ELOA: variants seen among roughly 807,000 people sequenced by gnomAD.
ELOA encodes elongin A.
A neutral mutation model predicts 85.2 loss-of-function variants in ELOA; 15 were observed. The ratio of observed to expected loss-of-function variants is 0.18; its 90% confidence interval spans 0.12 to 0.27. The LOEUF is 0.27. Among genes scored for constraint, ELOA ranks in the 10% least tolerant of loss-of-function variants. ELOA has a pLI of 1.00. For synonymous variants in ELOA, 348 were observed against 357.2 expected, an observed-to-expected ratio of 0.97 and a Z score of 0.29; for missense variants, 769 against 952.7, an observed-to-expected ratio of 0.81 and a Z score of 2.54.
intron 10 of ELOA, 48 bp from the exon 11 acceptor site, chr1:23,759,464 C>G: frequency 1.2e-6 from 2 of 1,606,006 alleles, no homozygotes; most frequent in Non-Finnish European, 1.7e-6. Flanking sequence ...GGGGGTGTGT[C>G]TAAGCCGCCA....
Position 23,751,730 on chromosome 1 carries a change from A to G in ELOA, c.1125A>G (p.Lys375=). ...ACAACCTAAAGACTCCAGAAGGGAA[A>G]GTCAAAACTAATTTGGATAGAAAGT... ...GSNNLKTPEG[K]VKTNLDRKSL... is the part of the protein sequence containing the mutation. Residue 375 remains lysine (K), a synonymous_variant, in exon 4 of 11, where the codon AAA becomes AAG. Transcript: ENST00000613537. 1 of 1,614,220 alleles carries G rather than the reference A, an allele frequency of 6.2e-7. No homozygotes were observed. The highest frequency in any genetic ancestry group is 8.5e-7 in the Non-Finnish European group (1 of 1,180,038).
chr1:23,751,792 T>C lies in ELOA; in HGVS notation c.1187T>C (p.Met396Thr), dbSNP rs769516563. 27 of 1,614,056 alleles carry C rather than the reference T, an allele frequency of 1.7e-5. No individual in the cohort carries two copies. Among genetic ancestry groups the C allele is most frequent in the South Asian group, 1.6e-4 (15 of 91,088 alleles). The change falls in exon 4 of 11, where the codon ATG becomes ACG. Residue 396 changes from methionine to threonine, a missense_variant. Met to Thr is a moderately conservative substitution (Grantham distance 81). Transcript: ENST00000613537. The part of the protein sequence containing the change: ...GSLPKVEETD[M>T]EDEFEQPTMS... ...CTCCCTAAAGTTGAGGAGACAGATA[T>C]GGAGGATGAATTCGAGCAGCCAACC...
chr1:23,754,235 T>G lies in ELOA; in HGVS notation c.1673T>G (p.Val558Gly). 6.2e-7 allele frequency: 1 copy of G among 1,614,192 alleles called. No individual in the cohort carries two copies. Among genetic ancestry groups the G allele is most frequent in the Non-Finnish European group, 8.5e-7 (1 of 1,180,034 alleles). The part of the protein sequence containing the change: ...MMTLHQQCIR[V>G]LKNNIDSIFE... ...ACCTTGCACCAGCAATGCATCCGAG[T>G]ACTTAAAAACAACATCGATTGTAAG... Residue 558 changes from valine (V) to glycine (G), a missense_variant, in exon 6 of 11, where the codon GTA (valine) becomes GGA (glycine). Physicochemically the swap from Val to Gly is moderately radical, Grantham distance 109. This residue lies in a region of ELOA where 193 missense variants were observed against 278.9 expected (regional missense o/e 0.69). Transcript: ENST00000613537.
rs993824201 is a variant in ELOA at position 23,759,914 on chromosome 1, G to T, written c.*341G>T. On this transcript the variant is annotated 3_prime_UTR_variant, in exon 11 of 11. Coordinates refer to ENST00000613537, the MANE Select transcript of ELOA (RefSeq NM_003198.3). ...CAGATTGTATTTATATTATCCCCCA[G>T]GTTTGTTTTTGTTTTTTGTCCTCTA... 8.2e-6 allele frequency: 2 copies of T among 244,260 alleles called. No individual in the cohort carries two copies. Among genetic ancestry groups the T allele is most frequent in the Non-Finnish European group, 1.6e-5 (2 of 124,664 alleles). The allele number at this position is 244,260 out of a possible 1,614,324, so 15.1% of individuals were successfully genotyped here. A position where few individuals can be genotyped will look rare whatever the true frequency, so the allele number is the denominator to read the frequency against.
At chr1:23,748,964 C>G in intron 1 of ELOA, 57 bp from the exon 2 acceptor site, 1 of 1,423,152 alleles carries the variant, frequency 7.0e-7, no homozygotes, top group South Asian at 1.2e-5. Flanking sequence ...ACTTAATAAT[C>G]AGATATTCTT....
At position 23,759,623 on chromosome 1, in the gene ELOA, A is replaced by T. The variant is rs1283062095; in HGVS notation, c.*50A>T. 27 of 1,594,132 alleles carry T rather than the reference A, an allele frequency of 1.7e-5. No individual in the cohort carries two copies. The highest frequency in any genetic ancestry group is 1.0e-4 in the Admixed American group (6 of 59,964). ...AATCTGGGGAGGCAGGAATACAAGGACAGTGGGGGTTGGGGAATGGAATTC... is the reference window on the plus strand; with the variant it reads ...AATCTGGGGAGGCAGGAATACAAGGTCAGTGGGGGTTGGGGAATGGAATTC... On this transcript the variant is annotated 3_prime_UTR_variant, in exon 11 of 11. Coordinates refer to ENST00000613537, the MANE Select transcript of ELOA (RefSeq NM_003198.3).
chr1:23,751,388 G>C lies in ELOA; in HGVS notation c.783G>C (p.Glu261Asp). Residue 261 changes from glutamate to aspartate, a missense_variant, in exon 4 of 11, where the codon GAG (glutamate) becomes GAC (aspartate). Glu to Asp is a conservative substitution (Grantham distance 45). This residue lies in a region of ELOA where 440 missense variants were observed against 474.0 expected (regional missense o/e 0.93). Transcript: ENST00000613537. The stretch of plus-strand genomic sequence containing the variant: ...GCCCCGTGGATGCCAAGAGTGATGA[G>C]AAGGCCTCTGTGGTGAGCAGAGAGA... ...DKRPVDAKSD[E>D]KASVVSREKS... 6.2e-7 allele frequency: 1 copy of C among 1,614,194 alleles called. No individual in the cohort carries two copies. The highest frequency in any genetic ancestry group is 8.5e-7 in the Non-Finnish European group (1 of 1,180,046).
rs146285087 is a variant in ELOA, at chr1:23,751,975, T to G, written c.1370T>G (p.Val457Gly). 3.1e-6 allele frequency: 5 copies of G among 1,608,546 alleles called. No homozygotes were observed. Among genetic ancestry groups the G allele is most frequent in the Non-Finnish European group, 4.2e-6 (5 of 1,178,748 alleles). Residue 457 changes from valine (V) to glycine (G), a missense_variant, in exon 4 of 11, where the codon GTG becomes GGG. By Grantham distance (109) the Val-to-Gly change is moderately radical. Coordinates refer to ENST00000613537, the MANE Select transcript of ELOA (RefSeq NM_003198.3). ...GACTCAGTTCAGAAATTACCCAAGGTGAACAAAACCAAGTCAGAGAAGCCG... is the reference window on the plus strand; with the variant it reads ...GACTCAGTTCAGAAATTACCCAAGGGGAACAAAACCAAGTCAGAGAAGCCG... ...NLDSVQKLPKVNKTKSEKPAG... is the reference protein window; with the variant it reads ...NLDSVQKLPKGNKTKSEKPAG...
rs1351609005 is a variant in ELOA, at chr1:23,757,049, A to C, written c.2181A>C (p.Pro727=). The part of the protein sequence containing the change: ...PSPEEPAYDG[P]STSSAHLAPV... ...CTGAGGAGCCGGCCTATGATGGCCCAAGCACCAGCAGTGCCCACTTGGCAC... is the reference window on the plus strand; with the variant it reads ...CTGAGGAGCCGGCCTATGATGGCCCCAGCACCAGCAGTGCCCACTTGGCAC... The change falls in exon 10 of 11, where the codon CCA becomes CCC. Residue 727 remains proline (P), a synonymous_variant. Transcript: ENST00000613537. 10 of 1,611,118 alleles carry C rather than the reference A, an allele frequency of 6.2e-6. No homozygotes were observed. The highest frequency in any genetic ancestry group is 8.5e-6 in the Non-Finnish European group (10 of 1,179,200).
In ELOA at chr1:23,754,459, A is replaced by G; in HGVS notation, c.1790A>G (p.His597Arg). ...DQLYRIEEYN[H>R]VLIEETDQLW... ...CTGTATCGCATAGAGGAATACAATC[A>G]TGTGAGTATTCTGTTTGGGTGGGAA... Residue 597 changes from histidine to arginine, a missense_variant and splice_region_variant, in exon 7 of 11, where the codon CAT (histidine) becomes CGT (arginine). His to Arg is a conservative substitution (Grantham distance 29). Coordinates refer to ENST00000613537, the MANE Select transcript of ELOA (RefSeq NM_003198.3). 6.2e-7 allele frequency: 1 copy of G among 1,613,602 alleles called. No homozygotes were observed. The highest frequency in any genetic ancestry group is 1.1e-5 in the South Asian group (1 of 91,064).
At position 23,761,155 on chromosome 1, in the gene ELOA, T is replaced by C. The variant is rs567528885; in HGVS notation, c.*1582T>C. On this transcript the variant is annotated 3_prime_UTR_variant, in exon 11 of 11. Transcript: ENST00000613537. ...TGTGTATTGCTGTGCAGGGTGCCTA[T>C]TGTGACAGGACACAAATGTTACTAT... 1 of 152,310 alleles carries C rather than the reference T, an allele frequency of 6.6e-6. No individual in the cohort carries two copies. The highest frequency in any genetic ancestry group is 1.5e-5 in the Non-Finnish European group (1 of 68,024). The allele number at this position is 152,310 out of a possible 1,614,324, so 9.4% of individuals were successfully genotyped here. A position where few individuals can be genotyped will look rare whatever the true frequency, so the allele number is the denominator to read the frequency against.
rs1557454313 is a variant in ELOA at position 23,752,482 on chromosome 1, C to A, written c.1501C>A (p.Leu501Ile). The A allele has an allele frequency of 1.9e-6, 3 of 1,614,136 alleles. No individual in the cohort carries two copies. The highest frequency in any genetic ancestry group is 2.5e-6 in the Non-Finnish European group (3 of 1,179,982). The change falls in exon 5 of 11, where the codon CTC (leucine) becomes ATC (isoleucine). Residue 501 changes from leucine (L) to isoleucine (I), a missense_variant. This residue lies in a region of ELOA where 193 missense variants were observed against 278.9 expected (regional missense o/e 0.69). Coordinates refer to ENST00000613537, the MANE Select transcript of ELOA (RefSeq NM_003198.3). Reference sequence around the variant, plus strand: ...GGCCAATTACCGTCCACTGCCTTCCCTCGAGCTGATATCCTCCTTCCAGCC... The same window carrying A: ...GGCCAATTACCGTCCACTGCCTTCCATCGAGCTGATATCCTCCTTCCAGCC... Reference protein sequence around the residue: ...IQANYRPLPSLELISSFQPKR... With the variant: ...IQANYRPLPSIELISSFQPKR...
chr1:23,759,621 G>C lies in ELOA; in HGVS notation c.*48G>C. 6.3e-7 allele frequency: 1 copy of C among 1,594,026 alleles called. No homozygotes were observed. On this transcript the variant is annotated 3_prime_UTR_variant, in exon 11 of 11. Coordinates refer to ENST00000613537, the MANE Select transcript of ELOA (RefSeq NM_003198.3). The stretch of plus-strand genomic sequence containing the variant: ...GGAATCTGGGGAGGCAGGAATACAA[G>C]GACAGTGGGGGTTGGGGAATGGAAT...
chr1:23,749,812 C>T (rs779686678), intron 2 of ELOA, 30 bp from the exon 3 acceptor site: 9 of 1,594,812 alleles, frequency 5.6e-6, no homozygotes, highest in Non-Finnish European at 6.9e-6. Context: ...AGTTCCAGAC[C>T]CCTCTAACAA....
At position 23,745,168 on chromosome 1, in the gene ELOA, G is replaced by C. The variant is rs75914503; in HGVS notation, c.75+1590G>C. On this transcript the variant is annotated intron_variant, in intron 1 of 10. Transcript: ENST00000613537. ...TCATTGTGCCATGTTTTCTGTTGCAGCTTCAGTACCGTACCTAGTGGTCAG... is the reference window on the plus strand; with the variant it reads ...TCATTGTGCCATGTTTTCTGTTGCACCTTCAGTACCGTACCTAGTGGTCAG... 2.6e-3 allele frequency among the ~76,000 whole-genome samples: 397 copies of C among 152,288 alleles called. 4 individuals carry two copies. The highest frequency in any genetic ancestry group is 9.3e-3 in the African/African-American group (388 of 41,546).
Position 23,751,296 on chromosome 1 carries a change from G to C in ELOA, c.691G>C (p.Gly231Arg). The change falls in exon 4 of 11, where the codon GGT becomes CGT. Residue 231 changes from glycine (G) to arginine (R), a missense_variant. By Grantham distance (125) the Gly-to-Arg change is moderately radical. Transcript: ENST00000613537. ...RLGASQERHL[G>R]EPHGKGVVSQ... ...CGGGGCCAGCCAAGAACGACACCTG[G>C]GTGAACCCCATGGGAAAGGGGTTGT... is the stretch of plus-strand genomic sequence containing the variant. 6.2e-7 allele frequency: 1 copy of C among 1,614,170 alleles called. No homozygotes were observed. The highest frequency in any genetic ancestry group is 8.5e-7 in the Non-Finnish European group (1 of 1,180,046).
intron 4 of ELOA, 28 bp from the exon 5 acceptor site, chr1:23,752,377 ACT>A (rs764567787): frequency 2.5e-6 from 4 of 1,592,390 alleles, no homozygotes; most frequent in East Asian, 4.5e-5. Context: ...CTACTCACTG[ACT>A]CTCCACCCAT....
rs112788444 is a variant in ELOA at position 23,759,182 on chromosome 1, C to T, written c.2258-330C>T. On this transcript the variant is annotated intron_variant, in intron 10 of 10. Transcript: ENST00000613537. ...CAGGGTGACAGAGTGAGACTCTTTC[C>T]TTACAAAAATAAAAACAAGAAAGTC... 1.8e-3 allele frequency among the ~76,000 whole-genome samples: 275 copies of T among 152,334 alleles called. 5 individuals are homozygous for T. Among genetic ancestry groups the T allele is most frequent in the African/African-American group, 6.3e-3 (260 of 41,578 alleles).
Position 23,759,735 on chromosome 1 carries a change from C to T in ELOA, c.*162C>T. 1.5e-6 allele frequency: 1 copy of T among 687,688 alleles called. No homozygotes were observed. Among genetic ancestry groups the T allele is most frequent in the South Asian group, 1.8e-5 (1 of 54,902 alleles). The allele number at this position is 687,688 out of a possible 1,614,324, so 42.6% of individuals were successfully genotyped here. ...GTGCTGCCCCTGGGAACCTGCGTGC[C>T]ACAGCCCCGCCTCCCTGCCTGGAGC... On this transcript the variant is annotated 3_prime_UTR_variant, in exon 11 of 11. Transcript: ENST00000613537.
Sources: gnomAD v4.1 joint callset for allele counts (sites outside exome capture counted in the v4.1 genomes callset) on GRCh38, gnomAD v4.1.1 for gene constraint, gnomAD v4.1.1 regional missense constraint, MANE v1.5 for transcripts, NCBI Gene and HGNC (gene_info 2026-07-23, HGNC 2026-07-21) for gene names.